COL6A6: variants seen among roughly 807,000 people sequenced by gnomAD.
COL6A6 encodes the protein collagen type VI alpha 6 chain.
COL6A6 carries 183 observed loss-of-function variants against 208.6 expected under a neutral mutation model. That is an observed-to-expected ratio of 0.88 (90% CI 0.78 to 0.99). The LOEUF (loss-of-function observed/expected upper bound fraction) is 0.99. Among genes scored for constraint, COL6A6 ranks in the 50% least tolerant of loss-of-function variants. The pLI is 0.00. For missense variants in COL6A6, 2,816 were observed against 2,815.2 expected, an observed-to-expected ratio of 1.00 and a Z score of -0.01; for synonymous variants, 973 against 1,011.8, an observed-to-expected ratio of 0.96 and a Z score of 0.73.
Position 130,565,440 on chromosome 3 carries a change from G to A in COL6A6, c.1108G>A (p.Ala370Thr), listed in dbSNP as rs9830253. The change falls in exon 4 of 37, where the codon GCC becomes ACC. Residue 370 changes from alanine (A) to threonine (T), a missense_variant. Physicochemically the swap from Ala to Thr is moderately conservative, Grantham distance 58. Coordinates refer to ENST00000358511, the MANE Select transcript of COL6A6 (RefSeq NM_001102608.3). ...VTIFTLGIEG[A>T]SDTQLEKIAS... ...CATCTTCACCCTGGGCATAGAGGGC[G>A]CCAGCGACACCCAGTTGGAAAAGAT... The A allele has an allele frequency of 0.79, 1,281,090 of 1,613,676 alleles. 526,106 individuals are homozygous for A. The highest frequency in any genetic ancestry group is 0.85 in the Non-Finnish European group (1,000,583 of 1,179,818).
rs143706681 is a variant in COL6A6, at chr3:130,606,011, C to T, written c.4654-920C>T. Reference sequence around the variant, plus strand: ...CAACATGTGGGAATTATGGGAGCTACAATTCAAGATGAGATTTGGGTGGGG... The same window carrying T: ...CAACATGTGGGAATTATGGGAGCTATAATTCAAGATGAGATTTGGGTGGGG... On this transcript the variant is annotated intron_variant, in intron 20 of 36. Transcript: ENST00000358511. Among the ~76,000 whole-genome samples the T allele has an allele frequency of 4.7e-3, 718 of 152,302 alleles. 9 individuals carry two copies. Among genetic ancestry groups the T allele is most frequent in the African/African-American group, 0.016 (668 of 41,560 alleles).
intron 8 of COL6A6, among the ~76,000 whole-genome samples, chr3:130,579,848 A>G (rs2063380110): frequency 6.6e-6 from 1 of 151,902 alleles, no homozygotes. Flanking sequence ...CTTGCTCAGT[A>G]TGGTTTGGTC....
intron 1 of COL6A6, among the ~76,000 whole-genome samples, chr3:130,527,094 A>T (rs2061977521): frequency 6.6e-6 from 1 of 151,968 alleles, no homozygotes; most frequent in African/African-American, 2.4e-5. Context: ...TGAACCTCAT[A>T]CTCTTTTATT....
Position 130,622,623 on chromosome 3 carries a change from C to T in COL6A6, c.4878+740C>T, listed in dbSNP as rs557018508. On this transcript the variant is annotated intron_variant, in intron 24 of 36. Transcript: ENST00000358511. ...CTGTAATCCTAGCACTTTGGGAGGC[C>T]GAGGTGGGCAGATCACGAGGTCAGG... Among the ~76,000 whole-genome samples, 264 of 151,580 alleles carry T rather than the reference C, an allele frequency of 1.7e-3. 1 individual carries two copies. The South Asian group carries it at 0.018, about 11-fold the overall frequency.
chr3:130,578,684 T>C (rs1387042978), intron 8 of COL6A6, among the ~76,000 whole-genome samples: 6 of 152,196 alleles, frequency 3.9e-5, no homozygotes, highest in African/African-American at 1.2e-4. Context: ...TTCCCTACAC[T>C]ACTGGGTTGC....
intron 1 of COL6A6, among the ~76,000 whole-genome samples, chr3:130,543,255 C>G (rs1009067532): frequency 6.6e-6 from 1 of 152,130 alleles, no homozygotes; most frequent in Non-Finnish European, 1.5e-5. Context: ...GCTTCCTGTG[C>G]AGAACATATA....
Position 130,599,746 on chromosome 3 carries a change from TC to T in COL6A6, c.4600-9del. The T allele has an allele frequency of 1.2e-6, 2 of 1,613,664 alleles. No individual in the cohort carries two copies. The highest frequency in any genetic ancestry group is 1.1e-5 in the South Asian group (1 of 91,076). On this transcript the variant is annotated splice_polypyrimidine_tract_variant and intron_variant, in intron 19 of 36. Coordinates refer to ENST00000358511, the MANE Select transcript of COL6A6 (RefSeq NM_001102608.3). ...TAATTACCGTCACACATCTGTCTGT[TC>T]CTTTGACAGGGCAGAAGAGGCTGGC...
At chr3:130,618,365 A>G (rs1007916742) in intron 23 of COL6A6, among the ~76,000 whole-genome samples, 3 of 152,226 alleles carry the variant, frequency 2.0e-5, no homozygotes, top group Non-Finnish European at 4.4e-5. Context: ...AAGACTATTT[A>G]CCACTCAGCA....
chr3:130,643,218 G>A (rs2065370558), intron 31 of COL6A6, among the ~76,000 whole-genome samples, 195 bp downstream of exon 31: 1 of 152,154 alleles, frequency 6.6e-6, no homozygotes, highest in Non-Finnish European at 1.5e-5. Flanking sequence ...TGAAACCCAT[G>A]TCAAGCAGTA....
At chr3:130,561,980 C>G (rs1469665318) in intron 2 of COL6A6, among the ~76,000 whole-genome samples, 1 of 152,212 alleles carries the variant, frequency 6.6e-6, no homozygotes, top group Admixed American at 6.5e-5. Flanking sequence ...GAAGAAAAAA[C>G]TAAGGCCCAA....
At chr3:130,588,730 G>A (rs537662787) in intron 11 of COL6A6, among the ~76,000 whole-genome samples, 1 of 152,100 alleles carries the variant, frequency 6.6e-6, no homozygotes, top group East Asian at 1.9e-4. Flanking sequence ...AAATATATAG[G>A]GAAATCGACA....
chr3:130,576,738 G>A (rs2063307347), intron 8 of COL6A6, among the ~76,000 whole-genome samples: 1 of 152,174 alleles, frequency 6.6e-6, no homozygotes, highest in South Asian at 2.1e-4. Context: ...AGAATGTGAG[G>A]CAGGCTATGA....
Position 130,661,756 on chromosome 3 carries a change from A to C in COL6A6, c.5950A>C (p.Ile1984Leu), listed in dbSNP as rs76623493. ...RNMGSAEFED[I>L]RAFLGALLDH... Reference sequence around the variant, plus strand: ...CATGGGAAGTGCTGAATTTGAAGACATAAGAGCCTTCCTTGGAGCACTATT... The same window carrying C: ...CATGGGAAGTGCTGAATTTGAAGACCTAAGAGCCTTCCTTGGAGCACTATT... Residue 1984 changes from isoleucine (I) to leucine (L), a missense_variant, in exon 35 of 37, where the codon ATA (isoleucine) becomes CTA (leucine). Physicochemically the swap from Ile to Leu is conservative, Grantham distance 5. Coordinates refer to ENST00000358511, the MANE Select transcript of COL6A6 (RefSeq NM_001102608.3). 1.9e-6 allele frequency: 3 copies of C among 1,613,948 alleles called. No homozygotes were observed. Among genetic ancestry groups the C allele is most frequent in the Non-Finnish European group, 2.5e-6 (3 of 1,179,874 alleles).
Position 130,673,220 on chromosome 3 carries a change from A to AAAAAACCC in COL6A6, c.6597-1977_6597-1976insCCCAAAAA, listed in dbSNP as rs1553724905. Reference sequence around the variant, plus strand: ...AAAACAAAAAAAACAAAAAAAACAAAAAAAAAAAACAAAACCCAAGTGCAA... The same window carrying AAAAAACCC: ...AAAACAAAAAAAACAAAAAAAACAAAAAAAACCCAAAAAAAAACAAAACCCAAGTGCAA... On this transcript the variant is annotated intron_variant, in intron 36 of 36. Transcript: ENST00000358511. 2.5e-3 allele frequency among the ~76,000 whole-genome samples: 328 copies of AAAAAACCC among 129,638 alleles called. 3 individuals carry two copies. Among genetic ancestry groups the AAAAAACCC allele is most frequent in the African/African-American group, 8.7e-3 (300 of 34,430 alleles). The allele number at this position is 129,638 out of a possible 152,430, so 85.0% of individuals were successfully genotyped here.
rs772582378 is a variant in COL6A6 at position 130,643,046 on chromosome 3, T to TGG, written c.5227+23_5227+24insGG. On this transcript the variant is annotated intron_variant, in intron 31 of 36. Transcript: ENST00000358511. ...GTCGTAAGTACCCTGCTTAAAATGA[T>TGG]CACCCAAGTTGTCAGCATTCATACA... 5.6e-6 allele frequency: 9 copies of TGG among 1,610,434 alleles called. No individual in the cohort carries two copies. In the Admixed American group the frequency reaches 1.2e-4, roughly 21 times the overall value.
chr3:130,647,386 T>G (rs1049518226), intron 32 of COL6A6, among the ~76,000 whole-genome samples: 1 of 152,234 alleles, frequency 6.6e-6, no homozygotes, highest in African/African-American at 2.4e-5. Flanking sequence ...TTGTTGTTGT[T>G]TCCATGTGCA....
In COL6A6 at chr3:130,571,276, G is replaced by GA; in HGVS notation, c.2860_2861insA (p.Val954AspfsTer42). The GA allele has an allele frequency of 6.2e-7, 1 of 1,614,044 alleles. No homozygotes were observed. Among genetic ancestry groups the GA allele is most frequent in the South Asian group, 1.1e-5 (1 of 91,088 alleles). ...TGTGGGGATTGATGGTGCCAATCCCGTGGAGCTGTTAGCCATGGCAGGATC... is the reference window on the plus strand; with the variant it reads ...TGTGGGGATTGATGGTGCCAATCCCGATGGAGCTGTTAGCCATGGCAGGATC... On this transcript the variant is annotated frameshift_variant, in exon 7 of 37. Transcript: ENST00000358511. LOFTEE classifies it high-confidence loss of function.
intron 1 of COL6A6, among the ~76,000 whole-genome samples, chr3:130,531,139 G>A (rs2062085092): frequency 6.6e-6 from 1 of 151,406 alleles, no homozygotes; most frequent in African/African-American, 2.4e-5. Flanking sequence ...TTTCGCTGGA[G>A]AACCCTAATT....
intron 1 of COL6A6, among the ~76,000 whole-genome samples, chr3:130,527,953 G>T (rs904222738): frequency 2.5e-4 from 32 of 127,730 alleles, no homozygotes; most frequent in Non-Finnish European, 2.2e-4. Flanking sequence ...ACTCTTGGAA[G>T]CAACACCTGG....
Sources: gnomAD v4.1 joint callset for allele counts (sites outside exome capture counted in the v4.1 genomes callset) on GRCh38, gnomAD v4.1.1 for gene constraint, MANE v1.5 for transcripts, NCBI Gene and HGNC (gene_info 2026-07-23, HGNC 2026-07-21) for gene names.